ATP2C1: variants seen among roughly 807,000 people sequenced by gnomAD.
The protein encoded by ATP2C1 is ATPase secretory pathway Ca2+ transporting 1, also known as calcium-transporting ATPase type 2C member 1.
In ATP2C1, 31 loss-of-function variants were observed where a neutral mutation model predicts 120.5. The ratio of observed to expected loss-of-function variants is 0.26; its 90% confidence interval spans 0.19 to 0.35. ATP2C1 has a LOEUF of 0.35. Among genes scored for constraint, ATP2C1 ranks in the 10% least tolerant of loss-of-function variants. The pLI is 1.00. For synonymous variants in ATP2C1, 351 were observed against 358.7 expected, an observed-to-expected ratio of 0.98 and a Z score of 0.24; for missense variants, 731 against 1,107.5, an observed-to-expected ratio of 0.66 and a Z score of 4.83.
intron 1 of ATP2C1, among the ~76,000 whole-genome samples, chr3:130,863,421 C>T (rs62280750): frequency 6.6e-6 from 1 of 152,056 alleles, no homozygotes; most frequent in African/African-American, 2.4e-5. Flanking sequence ...ACTATTCTTC[C>T]AAGCAGACCA....
rs190162096 is a variant in ATP2C1, at chr3:130,973,209, A to G, written c.1414-2123A>G. Among the ~76,000 whole-genome samples the G allele has an allele frequency of 1.1e-4, 16 of 152,300 alleles. 1 individual carries two copies. Among genetic ancestry groups the G allele is most frequent in the Admixed American group, 8.5e-4 (13 of 15,292 alleles). Reference sequence around the variant, plus strand: ...ATGCTGGAAAATTTTCCAGAATGAAAAGACTTTAGCATCTAGAATAAAGTG... The same window carrying G: ...ATGCTGGAAAATTTTCCAGAATGAAGAGACTTTAGCATCTAGAATAAAGTG... On this transcript the variant is annotated intron_variant, in intron 17 of 27. Coordinates refer to ENST00000510168, the MANE Select transcript of ATP2C1 (RefSeq NM_001378687.1).
intron 4 of ATP2C1, among the ~76,000 whole-genome samples, chr3:130,933,308 C>T (rs1228745058): frequency 6.6e-6 from 1 of 152,126 alleles, no homozygotes; most frequent in Non-Finnish European, 1.5e-5. Context: ...AAGTGGTGTG[C>T]TTAGTAATGT....
chr3:130,978,217 A>G (rs2061610414), intron 18 of ATP2C1, among the ~76,000 whole-genome samples: 1 of 152,200 alleles, frequency 6.6e-6, no homozygotes, highest in Non-Finnish European at 1.5e-5. Context: ...CCACATCTAC[A>G]TAAATAATTA....
At chr3:130,971,114 A>G (rs1281552315) in intron 17 of ATP2C1, among the ~76,000 whole-genome samples, 1 of 152,226 alleles carries the variant, frequency 6.6e-6, no homozygotes, top group Non-Finnish European at 1.5e-5. Flanking sequence ...ACATAGTTAT[A>G]TGGCAAGCAT....
At chr3:130,882,967 C>G (rs553230011) in intron 1 of ATP2C1, among the ~76,000 whole-genome samples, 2 of 152,270 alleles carry the variant, frequency 1.3e-5, no homozygotes, top group African/African-American at 4.8e-5. Flanking sequence ...AGCAGTGAAG[C>G]CATCAGGTCC....
chr3:130,932,206 C>A (rs1576769969), intron 4 of ATP2C1, 68 bp downstream of exon 4: 1 of 1,002,480 alleles, frequency 1.0e-6, no homozygotes, highest in East Asian at 2.4e-5. Context: ...TATGTAGTTG[C>A]TTACTTTTGT....
At chr3:130,890,076 C>T (rs2069120415), upstream of ATP2C1, among the ~76,000 whole-genome samples, 1 of 152,156 alleles carries the variant, frequency 6.6e-6, no homozygotes. Context: ...AAACATTTTT[C>T]AGGCTATCCA....
intron 8 of ATP2C1, among the ~76,000 whole-genome samples, chr3:130,947,296 A>G (rs1009867258): frequency 6.6e-6 from 1 of 152,190 alleles, no homozygotes; most frequent in Non-Finnish European, 1.5e-5. Flanking sequence ...TATAATGTGC[A>G]TATCATACAG....
intron 2 of ATP2C1, among the ~76,000 whole-genome samples, chr3:130,897,272 G>A (rs955908447): frequency 6.6e-6 from 1 of 152,176 alleles, no homozygotes; most frequent in Admixed American, 6.5e-5. Flanking sequence ...CTACCAAGAA[G>A]CCAGGGTCCA....
chr3:130,961,096 G>T (rs1242864997), intron 12 of ATP2C1, among the ~76,000 whole-genome samples: 3 of 151,812 alleles, frequency 2.0e-5, no homozygotes, highest in Non-Finnish European at 4.4e-5. Flanking sequence ...TCTCAAGGGA[G>T]GGGGTGAAAA....
exon 1 of ATP2C1, chr3:130,850,880 A>T: frequency 1.4e-6 from 2 of 1,429,132 alleles, no homozygotes; most frequent in Non-Finnish European, 1.8e-6. Flanking sequence ...CTCTCCATGC[A>T]ATTAGGAGAT....
At position 130,932,013 on chromosome 3, in the gene ATP2C1, C is replaced by T. The variant is rs768484090; in HGVS notation, c.118-9C>T. The T allele has an allele frequency of 6.4e-7, 1 of 1,554,774 alleles. No homozygotes were observed. Among genetic ancestry groups the T allele is most frequent in the South Asian group, 1.1e-5 (1 of 89,932 alleles). On this transcript the variant is annotated splice_polypyrimidine_tract_variant and intron_variant, in intron 3 of 27. Transcript: ENST00000510168. ...ATTTTCAATAACTTTCATGTATAAA[C>T]TCTAATAGGCTGATCTTCAGAATGG...
chr3:130,959,884 C>G (rs1290877314), intron 12 of ATP2C1, among the ~76,000 whole-genome samples: 1 of 151,716 alleles, frequency 6.6e-6, no homozygotes, highest in Admixed American at 6.6e-5. Flanking sequence ...GGTCTCCCCC[C>G]AAAAAGAGTA....
At chr3:130,988,405 T>C (rs189241005) in intron 20 of ATP2C1, among the ~76,000 whole-genome samples, 1 of 152,312 alleles carries the variant, frequency 6.6e-6, no homozygotes, top group African/African-American at 2.4e-5. Context: ...TCTGAAAATA[T>C]GTGGCCTTGT....
At chr3:130,924,032 G>C (rs76919432) in intron 2 of ATP2C1, among the ~76,000 whole-genome samples, 1 of 151,840 alleles carries the variant, frequency 6.6e-6, no homozygotes, top group African/African-American at 2.4e-5. Flanking sequence ...CTTCCATTCT[G>C]TATCTTTTAA....
At chr3:130,951,644 C>A (rs980665497) in intron 8 of ATP2C1, among the ~76,000 whole-genome samples, 2 of 152,062 alleles carry the variant, frequency 1.3e-5, no homozygotes, top group Admixed American at 6.6e-5. Context: ...AAGAAAAATT[C>A]ACTTGCCTTT....
At chr3:130,994,975 T>C (rs1273347130) in intron 22 of ATP2C1, among the ~76,000 whole-genome samples, 19 of 152,214 alleles carry the variant, frequency 1.2e-4, no homozygotes, top group Admixed American at 1.2e-3. Flanking sequence ...CAACATGTGA[T>C]CTACTTGATG....
At chr3:130,851,515 CT>C in intron 1 of ATP2C1, among the ~76,000 whole-genome samples, 1 of 152,268 alleles carries the variant, frequency 6.6e-6, no homozygotes, top group East Asian at 1.9e-4. Context: ...GACACTATCA[CT>C]TGGGAATATA....
At chr3:130,861,608 C>T (rs901042974) in intron 1 of ATP2C1, among the ~76,000 whole-genome samples, 1 of 152,108 alleles carries the variant, frequency 6.6e-6, no homozygotes, top group Non-Finnish European at 1.5e-5. Context: ...AATCTCTTCC[C>T]CCAAACACCT....
Sources: allele counts gnomAD v4.1 joint callset (sites outside exome capture counted in the v4.1 genomes callset), GRCh38; gene constraint gnomAD v4.1.1; transcripts MANE v1.5; gene names NCBI Gene and HGNC (gene_info 2026-07-23, HGNC 2026-07-21).